Variants in TBX6 observed in about 807,000 individuals in gnomAD.
TBX6 encodes T-box transcription factor 6.
In TBX6, 29 loss-of-function variants were observed where a neutral mutation model predicts 42.3. That is an observed-to-expected ratio of 0.69 (90% CI 0.51 to 0.93). TBX6 has a LOEUF of 0.93. Ranked by LOEUF, TBX6 falls within the 40% of genes least tolerant of loss-of-function variation. TBX6 has a pLI of 0.00. For missense variants in TBX6, 569 were observed against 603.3 expected (o/e 0.94, Z 0.59); for synonymous variants, 249 against 245.1 (o/e 1.02, Z -0.15).
chr16:30,086,800 G>T lies in TBX6; in HGVS notation c.891C>A (p.Ala297=). The T allele has an allele frequency of 6.2e-7, 1 of 1,613,942 alleles. No homozygotes were observed. Among genetic ancestry groups the T allele is most frequent in the South Asian group, 1.1e-5 (1 of 91,076 alleles). The change falls in exon 7 of 9, where the codon GCC becomes GCA. Residue 297 remains alanine (A), a synonymous_variant. Coordinates refer to ENST00000395224, the MANE Select transcript of TBX6 (RefSeq NM_004608.4). This position sits in a 1 kb window ranked among gnomAD's most constrained non-coding sequence, Gnocchi z 4.6. ...CACCTCCGCTCCCATAGGCCTCTGTGGCTGCTGGCTCTGGGCCCCGCAGTT... is the reference window on the plus strand; with the variant it reads ...CACCTCCGCTCCCATAGGCCTCTGTTGCTGCTGGCTCTGGGCCCCGCAGTT... ...KRKLRGPEPA[A]TEAYGSGDTP...
At position 30,091,114 on chromosome 16, in the gene TBX6, C is replaced by G. The variant is rs560107674; in HGVS notation, c.80G>C (p.Ser27Thr). 3.1e-6 allele frequency: 5 copies of G among 1,587,352 alleles called. No homozygotes were observed. Among genetic ancestry groups the G allele is most frequent in the African/African-American group, 2.7e-5 (2 of 74,774 alleles). ...GCCCTCCGCTAGGGCGGGTGGGAAGCTGGAGTCGGCCCCAGGTTGGGCGGG... is the reference window on the plus strand; with the variant it reads ...GCCCTCCGCTAGGGCGGGTGGGAAGGTGGAGTCGGCCCCAGGTTGGGCGGG... ...LGPAQPGADS[S>T]FPPALAEGYR... is the part of the protein sequence containing the mutation. The change falls in exon 2 of 9, where the codon AGC becomes ACC. Residue 27 changes from serine (S) to threonine (T), a missense_variant. Transcript: ENST00000395224.
At chr16:30,090,647 T>C (rs2072706663) in intron 3 of TBX6, 111 bp downstream of exon 3, 2 of 1,107,078 alleles carry the variant, frequency 1.8e-6, no homozygotes, top group South Asian at 1.6e-5. Context: ...ATTCTAGGCC[T>C]AGGCAGAGCT....
rs2072686903 is a variant in TBX6, at chr16:30,089,193, CA to C, written c.370del (p.Cys124AlafsTer20). On this transcript the variant is annotated frameshift_variant, in exon 4 of 9. Coordinates refer to ENST00000395224, the MANE Select transcript of TBX6 (RefSeq NM_004608.4). LOFTEE classifies it high-confidence loss of function. ...GTCCAGGCCAGTGACTGACACTCGGCAGGCAGGGAACATGCGCCTGTGCAAG... is the reference window on the plus strand; with the variant it reads ...GTCCAGGCCAGTGACTGACACTCGGCGGCAGGGAACATGCGCCTGTGCAAG... ...TKAGRRMFPA[C>X]RVSVTGLDPE... is the part of the protein sequence containing the mutation. 6 of 1,613,604 alleles carry C rather than the reference CA, an allele frequency of 3.7e-6. No homozygotes were observed. The highest frequency in any genetic ancestry group is 5.1e-6 in the Non-Finnish European group (6 of 1,179,836).
At chr16:30,089,698 G>A (rs988238836) in intron 3 of TBX6, among the ~76,000 whole-genome samples, 2 of 152,018 alleles carry the variant, frequency 1.3e-5, no homozygotes, top group African/African-American at 2.4e-5. Flanking sequence ...TTAGGAAGCC[G>A]AGGTGGAAGG....
chr16:30,090,098 C>A (rs2072699245), intron 3 of TBX6, among the ~76,000 whole-genome samples: 1 of 152,156 alleles, frequency 6.6e-6, no homozygotes, highest in Non-Finnish European at 1.5e-5. Context: ...AGCCTATTTG[C>A]AGAAGCAGGG....
At chr16:30,091,523 G>A (rs952028392) in intron 1 of TBX6, 2 of 240,142 alleles carry the variant, frequency 8.3e-6, no homozygotes, top group Admixed American at 1.0e-4. Flanking sequence ...TGGCGCTTCC[G>A]GCCAGCTGGT....
intron 6 of TBX6, among the ~76,000 whole-genome samples, chr16:30,087,177 G>C (rs2072648778): frequency 6.6e-6 from 1 of 152,022 alleles, no homozygotes; most frequent in African/African-American, 2.4e-5. Flanking sequence ...GCCTCTCTCT[G>C]GAATCCTCTT....
At chr16:30,090,188 CT>C (rs1187422044) in intron 3 of TBX6, among the ~76,000 whole-genome samples, 3 of 152,126 alleles carry the variant, frequency 2.0e-5, no homozygotes, top group Non-Finnish European at 1.5e-5. Context: ...ATCTGCAGCT[CT>C]TAGATGAATT....
rs1287376913 is a variant in TBX6 at position 30,088,137 on chromosome 16, C to G, written c.839+408G>C. 5 of 251,838 alleles carry G rather than the reference C, an allele frequency of 2.0e-5. No homozygotes were observed. The highest frequency in any genetic ancestry group is 4.0e-5 in the Non-Finnish European group (5 of 125,662). The allele number at this position is 251,838 out of a possible 1,614,324, so 15.6% of individuals were successfully genotyped here. A position where few individuals can be genotyped will look rare whatever the true frequency, so the allele number is the denominator to read the frequency against. On this transcript the variant is annotated intron_variant, in intron 6 of 8. Transcript: ENST00000395224. This position sits in a 1 kb window ranked among gnomAD's most constrained non-coding sequence, Gnocchi z 4.1. ...TATTTTTAGCAGAGACAGGGTTTCA[C>G]CATGTTGGCAGGCTGGTCTCGAACT...
At position 30,091,143 on chromosome 16, in the gene TBX6, C is replaced by T. The variant is rs1419917310; in HGVS notation, c.51G>A (p.Leu17=). Reference sequence around the variant, plus strand: ...AGTCGGCCCCAGGTTGGGCGGGCCCCAGGCGGTAGCCGGCCCCCAGGGACG... The same window carrying T: ...AGTCGGCCCCAGGTTGGGCGGGCCCTAGGCGGTAGCCGGCCCCCAGGGACG... ...LYPSLGAGYR[L]GPAQPGADSS... Residue 17 remains leucine (L), a synonymous_variant, in exon 2 of 9, where the codon CTG becomes CTA. Transcript: ENST00000395224. 6.9e-6 allele frequency: 11 copies of T among 1,594,428 alleles called. 1 individual carries two copies. The Admixed American group carries it at 1.4e-4, about 21-fold the overall frequency.
chr16:30,088,909 C>G lies in TBX6; in HGVS notation c.621+34G>C, dbSNP rs372376864. ...CCTTGGCCTCCCTTCCAGCACCCCC[C>G]AACCCTATCCTGGAGTCCCAGCCTG... is the stretch of plus-strand genomic sequence containing the variant. On this transcript the variant is annotated intron_variant, in intron 4 of 8. Transcript: ENST00000395224. This position sits in a 1 kb window ranked among gnomAD's most constrained non-coding sequence, Gnocchi z 4.1. 1 of 1,602,766 alleles carries G rather than the reference C, an allele frequency of 6.2e-7. No homozygotes were observed. The highest frequency in any genetic ancestry group is 1.3e-5 in the African/African-American group (1 of 74,762).
At position 30,086,263 on chromosome 16, in the gene TBX6, C is replaced by G. The variant is rs1406054995; in HGVS notation, c.1273G>C (p.Gly425Arg). ...TTGGAGCCCACATCCAGATAGCCCC[C>G]AGGCGCGGTGTATGGTAGAGGGAAG... ...GPFPLPYTAPGGYLDVGSKPM... is the reference protein window; with the variant it reads ...GPFPLPYTAPRGYLDVGSKPM... The change falls in exon 9 of 9, where the codon GGG becomes CGG. Residue 425 changes from glycine to arginine, a missense_variant. Transcript: ENST00000395224. The surrounding 1 kb of genome is among the most constrained non-coding windows in gnomAD (Gnocchi z 4.6). 8.1e-6 allele frequency: 13 copies of G among 1,612,190 alleles called. No individual in the cohort carries two copies. Among genetic ancestry groups the G allele is most frequent in the Non-Finnish European group, 1.1e-5 (13 of 1,179,710 alleles).
intron 3 of TBX6, among the ~76,000 whole-genome samples, chr16:30,089,583 C>T (rs1191038948): frequency 6.6e-6 from 1 of 151,900 alleles, no homozygotes; most frequent in Non-Finnish European, 1.5e-5. Context: ...TACAGTGAGC[C>T]ACAATTGCAC....
In TBX6 at chr16:30,088,630, G is replaced by A. The variant is rs1392903114; in HGVS notation, c.769-15C>T. The A allele has an allele frequency of 6.2e-7, 1 of 1,614,200 alleles. No homozygotes were observed. Among genetic ancestry groups the A allele is most frequent in the Non-Finnish European group, 8.5e-7 (1 of 1,180,046 alleles). On this transcript the variant is annotated splice_polypyrimidine_tract_variant and intron_variant, in intron 5 of 8. Coordinates refer to ENST00000395224, the MANE Select transcript of TBX6 (RefSeq NM_004608.4). The surrounding 1 kb of genome is among the most constrained non-coding windows in gnomAD (Gnocchi z 4.1). ...AGTTGTGTGATCTGGGGACACACAT[G>A]CAGGGTCAAAGCAACTGCGGTCTGG...
intron 6 of TBX6, chr16:30,087,905 T>TC (rs2072662197): frequency 6.8e-6 from 1 of 146,484 alleles, no homozygotes; most frequent in Non-Finnish European, 1.5e-5. Flanking sequence ...TTTCTTTTTT[T>TC]TTTTTTTTTT....
chr16:30,088,830 G>C lies in TBX6; in HGVS notation c.631C>G (p.His211Asp). Residue 211 changes from histidine to aspartate, a missense_variant, in exon 5 of 9, where the codon CAC becomes GAC. His to Asp is a moderately conservative substitution (Grantham distance 81). This residue lies in a region of TBX6 where 190 missense variants were observed against 250.6 expected (regional missense o/e 0.76). Coordinates refer to ENST00000395224, the MANE Select transcript of TBX6 (RefSeq NM_004608.4). The surrounding 1 kb of genome is among the most constrained non-coding windows in gnomAD (Gnocchi z 4.1). ...CGGGGTTGGTACTTGTGCATGGAGT[G>C]CAGGATCAGCTGGGAGGGAGGAAAT... The part of the protein sequence containing the change: ...TLDPHGHLIL[H>D]SMHKYQPRIH... 1 of 1,613,924 alleles carries C rather than the reference G, an allele frequency of 6.2e-7. No individual in the cohort carries two copies. The highest frequency in any genetic ancestry group is 1.1e-5 in the South Asian group (1 of 91,082).
Position 30,086,228 on chromosome 16 carries a change from G to A in TBX6, c.1308C>T (p.Tyr436=), listed in dbSNP as rs368214114. The change falls in exon 9 of 9, where the codon TAC becomes TAT. Residue 436 remains tyrosine (Y), a synonymous_variant. Coordinates refer to ENST00000395224, the MANE Select transcript of TBX6 (RefSeq NM_004608.4). This position sits in a 1 kb window ranked among gnomAD's most constrained non-coding sequence, Gnocchi z 4.6. ...GYLDVGSKPM[Y] ...GGCAGAGGGGCCCAGCAGTGGTTCAGTACATGGGTTTGGAGCCCACATCCA... is the reference window on the plus strand; with the variant it reads ...GGCAGAGGGGCCCAGCAGTGGTTCAATACATGGGTTTGGAGCCCACATCCA... 1.9e-6 allele frequency: 3 copies of A among 1,611,528 alleles called. No individual in the cohort carries two copies. The highest frequency in any genetic ancestry group is 2.7e-5 in the African/African-American group (2 of 74,790).
In TBX6 at chr16:30,091,147, C is replaced by A. The variant is rs758566128; in HGVS notation, c.47G>T (p.Arg16Leu). The change falls in exon 2 of 9, where the codon CGC (arginine) becomes CTC (leucine). Residue 16 changes from arginine to leucine, a missense_variant. By Grantham distance (102) the Arg-to-Leu change is moderately radical (BLOSUM62 -2). Coordinates refer to ENST00000395224, the MANE Select transcript of TBX6 (RefSeq NM_004608.4). ...ELYPSLGAGY[R>L]LGPAQPGADS... The stretch of plus-strand genomic sequence containing the variant: ...GGCCCCAGGTTGGGCGGGCCCCAGG[C>A]GGTAGCCGGCCCCCAGGGACGGGTA... 8 of 1,594,530 alleles carry A rather than the reference C, an allele frequency of 5.0e-6. 1 individual carries two copies. The South Asian group carries it at 8.0e-5, about 16-fold the overall frequency.
chr16:30,091,075 C>CCGGGGTAGCGGTAGCCCTCCGCTAGGG lies in TBX6; in HGVS notation c.92_118dup (p.Ala31_Pro39dup). The CCGGGGTAGCGGTAGCCCTCCGCTAGGG allele has an allele frequency of 6.3e-7, 1 of 1,584,618 alleles. No individual in the cohort carries two copies. The highest frequency in any genetic ancestry group is 8.6e-7 in the Non-Finnish European group (1 of 1,165,654). On this transcript the variant is annotated inframe_insertion and splice_region_variant. Transcript: ENST00000395224. Reference sequence around the variant, plus strand: ...ACCCAGGAGCTGGTCCCAACGCTCACCGGGGTAGCGGTAGCCCTCCGCTAG... The same window carrying CCGGGGTAGCGGTAGCCCTCCGCTAGGG: ...ACCCAGGAGCTGGTCCCAACGCTCACCGGGGTAGCGGTAGCCCTCCGCTAGGGCGGGGTAGCGGTAGCCCTCCGCTAG...
Sources: allele counts gnomAD v4.1 joint callset (sites outside exome capture counted in the v4.1 genomes callset), GRCh38; gene constraint gnomAD v4.1.1; regional missense constraint gnomAD v4.1.1; non-coding constraint Gnocchi (gnomAD v3.1); transcripts MANE v1.5; gene names NCBI Gene and HGNC (gene_info 2026-07-23, HGNC 2026-07-21).